The following LRMDA variants were observed in gnomAD, a reference collection of about 807,000 sequenced individuals.
LRMDA encodes the protein leucine rich melanocyte differentiation associated, also known as leucine-rich melanocyte differentiation-associated protein.
Under a neutral mutation model 29.8 loss-of-function variants are expected in LRMDA, and 18 were observed. The observed-to-expected ratio is 0.60, with a 90% confidence interval of 0.42 to 0.90. LRMDA has a LOEUF of 0.90. Ranked by LOEUF, LRMDA falls within the 40% of genes least tolerant of loss-of-function variation. The pLI is 0.00. For synonymous variants in LRMDA, 125 were observed against 109.4 expected (o/e 1.14, Z -0.89); for missense variants, 273 against 273.9 (o/e 1.00, Z 0.02).
intron 5 of LRMDA, among the ~76,000 whole-genome samples, chr10:76,210,237 C>T (rs757700870): frequency 2.0e-5 from 3 of 152,104 alleles, no homozygotes; most frequent in Non-Finnish European, 2.9e-5. Flanking sequence ...GTTAATTATA[C>T]CATGGTTTCA....
intron 5 of LRMDA, among the ~76,000 whole-genome samples, chr10:76,110,151 C>T (rs1175205481): frequency 1.3e-5 from 2 of 152,168 alleles, no homozygotes; most frequent in African/African-American, 2.4e-5. Flanking sequence ...AGTCCTCCTT[C>T]AAGGACCTCT....
chr10:76,250,725 C>CT (rs1350678226), intron 5 of LRMDA, among the ~76,000 whole-genome samples: 3 of 152,102 alleles, frequency 2.0e-5, no homozygotes, highest in Non-Finnish European at 4.4e-5. Flanking sequence ...TTCTTTGCAC[C>CT]TGAAGGAGCA....
chr10:76,279,457 C>T (rs1840174844), intron 5 of LRMDA, among the ~76,000 whole-genome samples: 1 of 151,030 alleles, frequency 6.6e-6, no homozygotes, highest in South Asian at 2.1e-4. Flanking sequence ...AAAGTTTACA[C>T]AGCATGGGAT....
chr10:75,741,212 A>G (rs1342143622), intron 2 of LRMDA, among the ~76,000 whole-genome samples: 2 of 152,188 alleles, frequency 1.3e-5, no homozygotes. Flanking sequence ...AGGCTCTGGC[A>G]AGAACCCACT....
At chr10:75,463,532 G>A (rs1195347600) in intron 2 of LRMDA, among the ~76,000 whole-genome samples, 2 of 151,674 alleles carry the variant, frequency 1.3e-5, no homozygotes, top group African/African-American at 2.4e-5. Flanking sequence ...TTGTCGCTTA[G>A]GCTGGAGTGC....
At chr10:76,478,117 C>T (rs1456935847) in intron 6 of LRMDA, among the ~76,000 whole-genome samples, 1 of 152,102 alleles carries the variant, frequency 6.6e-6, no homozygotes, top group Non-Finnish European at 1.5e-5. Context: ...GAATAGGCAA[C>T]CTACAGATGG....
chr10:76,130,762 C>G (rs207471151), intron 5 of LRMDA, among the ~76,000 whole-genome samples: 2 of 152,116 alleles, frequency 1.3e-5, no homozygotes, highest in East Asian at 3.9e-4. Context: ...TGGGTTTAAG[C>G]GATTCTCCTG....
chr10:75,828,385 T>A (rs772303330), intron 2 of LRMDA, among the ~76,000 whole-genome samples: 3 of 152,194 alleles, frequency 2.0e-5, no homozygotes, highest in African/African-American at 2.4e-5. Context: ...AGGTTTATAT[T>A]GTCTGCCAAA....
chr10:75,729,784 G>A (rs770025516), intron 2 of LRMDA, among the ~76,000 whole-genome samples: 5 of 152,122 alleles, frequency 3.3e-5, no homozygotes, highest in Admixed American at 6.5e-5. Context: ...GCTGGGTTTT[G>A]TTGTTGTTTT....
At position 76,490,397 on chromosome 10, in the gene LRMDA, A is replaced by G. The variant is rs931215438; in HGVS notation, c.602-66812A>G. Among the ~76,000 whole-genome samples, 5 of 151,630 alleles carry G rather than the reference A, an allele frequency of 3.3e-5. No individual in the cohort carries two copies. In the East Asian group the frequency reaches 5.8e-4, roughly 18 times the overall value. On this transcript the variant is annotated intron_variant, in intron 6 of 6. Transcript: ENST00000611255. ...TGCTAAAGTCTCCAGCTATTATTGT[A>G]TTAGGGTCTCTCTCTCTCTCTCTCT... is the stretch of plus-strand genomic sequence containing the variant.
In LRMDA at chr10:76,463,128, C is replaced by T. The variant is rs549328199; in HGVS notation, c.602-94081C>T. Among the ~76,000 whole-genome samples, 83 of 152,256 alleles carry T rather than the reference C, an allele frequency of 5.5e-4. 1 individual carries two copies. Among genetic ancestry groups the T allele is most frequent in the Non-Finnish European group, 2.1e-4 (14 of 68,016 alleles). ...GGGATGGGTAGTGGGCCTACTTTCT[C>T]CAAACTGCCCTTCTTTGATCAGCAC... On this transcript the variant is annotated intron_variant, in intron 6 of 6. Coordinates refer to ENST00000611255, the MANE Select transcript of LRMDA (RefSeq NM_001305581.2).
At chr10:75,505,436 G>A (rs905739658) in intron 2 of LRMDA, among the ~76,000 whole-genome samples, 3 of 152,026 alleles carry the variant, frequency 2.0e-5, no homozygotes, top group African/African-American at 7.3e-5. Context: ...AGATAATCAG[G>A]GGACAGCCAG....
At chr10:76,193,347 A>G (rs542093732) in intron 5 of LRMDA, among the ~76,000 whole-genome samples, 6 of 152,136 alleles carry the variant, frequency 3.9e-5, no homozygotes, top group Non-Finnish European at 8.8e-5. Flanking sequence ...TTTAAATAAT[A>G]ATTAGGCTCC....
chr10:75,501,616 T>G (rs1589162119), intron 2 of LRMDA, among the ~76,000 whole-genome samples: 2 of 152,306 alleles, frequency 1.3e-5, no homozygotes, highest in East Asian at 3.9e-4. Context: ...AATAACCCAA[T>G]GGAGAGAATA....
At chr10:76,260,817 A>AAATT (rs1839929667) in intron 5 of LRMDA, 1 of 152,182 alleles carries the variant, frequency 6.6e-6, no homozygotes, top group Non-Finnish European at 1.5e-5. Context: ...TGAACTACAC[A>AAATT]AATTCATATG....
chr10:75,943,519 G>T (rs1196731438), intron 2 of LRMDA, among the ~76,000 whole-genome samples: 2 of 152,158 alleles, frequency 1.3e-5, no homozygotes, highest in Non-Finnish European at 2.9e-5. Flanking sequence ...TCATTAGAAA[G>T]AAAAATGTCC....
intron 6 of LRMDA, among the ~76,000 whole-genome samples, chr10:76,363,011 T>C (rs185162696): frequency 6.6e-6 from 1 of 151,180 alleles, no homozygotes; most frequent in Admixed American, 6.6e-5. Context: ...TGAGCTTTAC[T>C]CAATGCCTGC....
intron 2 of LRMDA, among the ~76,000 whole-genome samples, chr10:76,033,071 AAAAT>A (rs1482412747): frequency 7.9e-5 from 12 of 152,276 alleles, no homozygotes; most frequent in African/African-American, 2.4e-4. Flanking sequence ...CAGTAAAAAA[AAAAT>A]AAATAAAGGG....
At position 75,792,048 on chromosome 10, in the gene LRMDA, A is replaced by G. The variant is rs1204365511; in HGVS notation, c.132-243960A>G. ...CTAATTTTTTGTATTTTTAGTAGAG[A>G]TGGGGTTTCACTGTGTTAGTCAGGA... On this transcript the variant is annotated intron_variant, in intron 2 of 6. Coordinates refer to ENST00000611255, the MANE Select transcript of LRMDA (RefSeq NM_001305581.2). 3.3e-5 allele frequency among the ~76,000 whole-genome samples: 5 copies of G among 151,374 alleles called. No homozygotes were observed. The East Asian group carries it at 9.9e-4, about 30-fold the overall frequency.
Sources: allele counts gnomAD v4.1 joint callset (sites outside exome capture counted in the v4.1 genomes callset), GRCh38; gene constraint gnomAD v4.1.1; transcripts MANE v1.5; gene names NCBI Gene and HGNC (gene_info 2026-07-23, HGNC 2026-07-21).